ZMYM2: variants seen among roughly 807,000 people sequenced by gnomAD.
ZMYM2 encodes zinc finger MYM-type protein 2.
ZMYM2 carries 56 observed loss-of-function variants against 162.8 expected under a neutral mutation model. That is an observed-to-expected ratio of 0.34 (90% CI 0.28 to 0.43). The LOEUF is 0.43. Ranked by LOEUF, ZMYM2 falls within the 20% of genes least tolerant of loss-of-function variation. The pLI is 1.00. For synonymous variants in ZMYM2, 510 were observed against 541.6 expected (o/e 0.94, Z 0.81); for missense variants, 1,275 against 1,621.8 (o/e 0.79, Z 3.67).
chr13:20,076,569 T>C (rs952680779), intron 21 of ZMYM2, among the ~76,000 whole-genome samples: 1 of 150,582 alleles, frequency 6.6e-6, no homozygotes, highest in Non-Finnish European at 1.5e-5. Flanking sequence ...TTATAGACAG[T>C]AAGTCTTTGT....
the ZMYM2 span, among the ~76,000 whole-genome samples, chr13:19,897,965 A>G: frequency 1.2e-4 from 18 of 152,182 alleles, no homozygotes; most frequent in Admixed American, 1.3e-4. Flanking sequence ...GGGAAACAGA[A>G]GACTGAAACA....
At chr13:20,003,220 C>T (rs1235347783) in intron 4 of ZMYM2, 85 bp downstream of exon 4, 20 of 1,436,220 alleles carry the variant, frequency 1.4e-5, no homozygotes, top group Admixed American at 7.4e-5. Context: ...ATTTGTAATA[C>T]CTTTGGAAAC....
chr13:20,038,321 C>A (rs1594512772), intron 12 of ZMYM2, among the ~76,000 whole-genome samples: 2 of 152,230 alleles, frequency 1.3e-5, no homozygotes, highest in South Asian at 4.1e-4. Context: ...GCTTTTGTTG[C>A]AGTTGCTTTT....
At chr13:20,058,776 T>A in intron 15 of ZMYM2, 72 bp downstream of exon 15, 1 of 1,563,836 alleles carries the variant, frequency 6.4e-7, no homozygotes, top group South Asian at 1.1e-5. Flanking sequence ...ATGCTTTTCT[T>A]GAATGACACC....
the ZMYM2 span, among the ~76,000 whole-genome samples, chr13:19,905,480 A>G: frequency 1.3e-5 from 2 of 151,924 alleles, no homozygotes; most frequent in East Asian, 1.9e-4. Flanking sequence ...CCACACCCCA[A>G]CCAACTTAAT....
intron 17 of ZMYM2, 145 bp downstream of exon 17, chr13:20,061,369 T>TCGTCG: frequency 1.4e-6 from 1 of 692,192 alleles, no homozygotes; most frequent in South Asian, 3.0e-5. Flanking sequence ...TTTTTTATAT[T>TCGTCG]AAGAGATCTA....
At chr13:20,034,705 G>A (rs921846914) in intron 11 of ZMYM2, among the ~76,000 whole-genome samples, 2 of 152,174 alleles carry the variant, frequency 1.3e-5, no homozygotes, top group Non-Finnish European at 2.9e-5. Context: ...GGTTTTCCAA[G>A]TGGTTTAAAA....
the ZMYM2 span, among the ~76,000 whole-genome samples, chr13:19,904,776 A>T: frequency 1.3e-5 from 2 of 152,154 alleles, no homozygotes; most frequent in Non-Finnish European, 2.9e-5. Context: ...GCAAAGTGAT[A>T]TCATAAAATA....
the ZMYM2 span, among the ~76,000 whole-genome samples, chr13:19,940,830 AAACTATGT>A: frequency 6.6e-6 from 1 of 152,210 alleles, no homozygotes; most frequent in Non-Finnish European, 1.5e-5. Flanking sequence ...AAAATTTTGT[AAACTATGT>A]AACAGAAATA....
chr13:20,056,268 A>G (rs1000253007), intron 14 of ZMYM2, among the ~76,000 whole-genome samples: 3 of 152,186 alleles, frequency 2.0e-5, no homozygotes, highest in African/African-American at 7.2e-5. Flanking sequence ...ATGATACCCA[A>G]AATATTCTGG....
the ZMYM2 span, among the ~76,000 whole-genome samples, chr13:19,924,816 G>C: frequency 1.3e-5 from 2 of 151,688 alleles, no homozygotes; most frequent in African/African-American, 2.4e-5. Flanking sequence ...AATTCTTCTG[G>C]ATATATACTC....
intron 21 of ZMYM2, among the ~76,000 whole-genome samples, chr13:20,067,766 C>G (rs192178785): frequency 1.3e-4 from 20 of 152,274 alleles, no homozygotes; most frequent in Middle Eastern, 3.4e-3. Flanking sequence ...AAAAAGAGAT[C>G]ATTCTTTAGG....
the ZMYM2 span, among the ~76,000 whole-genome samples, chr13:19,914,450 G>A: frequency 6.6e-6 from 1 of 152,190 alleles, no homozygotes; most frequent in Admixed American, 6.5e-5. Context: ...ACTTGGCTAA[G>A]GCCACCACTG....
intron 12 of ZMYM2, among the ~76,000 whole-genome samples, chr13:20,050,046 T>C (rs948602037): frequency 3.9e-5 from 6 of 152,024 alleles, no homozygotes; most frequent in Admixed American, 2.6e-4. Context: ...AGTGAAAATA[T>C]GATCTTGGTT....
the ZMYM2 span, among the ~76,000 whole-genome samples, chr13:19,891,624 A>AG: frequency 6.6e-6 from 1 of 151,090 alleles, no homozygotes; most frequent in East Asian, 1.9e-4. Flanking sequence ...AAAAAAAAAA[A>AG]AAAATTAGCT....
intron 2 of ZMYM2, among the ~76,000 whole-genome samples, chr13:19,971,357 G>C (rs1307155051): frequency 7.1e-6 from 1 of 140,930 alleles, no homozygotes; most frequent in Non-Finnish European, 1.5e-5. Flanking sequence ...CACCACCTCT[G>C]CCTCCGGGGT....
intron 3 of ZMYM2, among the ~76,000 whole-genome samples, chr13:19,996,834 C>G (rs1036949066): frequency 6.6e-6 from 1 of 152,172 alleles, no homozygotes; most frequent in Admixed American, 6.5e-5. Flanking sequence ...CTGCAGTGAG[C>G]TATGATTGTG....
intron 21 of ZMYM2, 113 bp downstream of exon 21, chr13:20,067,503 A>G (rs1956771224): frequency 8.9e-7 from 1 of 1,120,574 alleles, no homozygotes; most frequent in Non-Finnish European, 1.2e-6. Context: ...ACACATCTAC[A>G]AAGTTGTATG....
the ZMYM2 span, among the ~76,000 whole-genome samples, chr13:19,873,615 G>A: frequency 6.6e-6 from 1 of 151,904 alleles, no homozygotes; most frequent in Non-Finnish European, 1.5e-5. Flanking sequence ...TGCCATGTTG[G>A]TCAGGCTAGT....
Sources: gnomAD v4.1 joint callset for allele counts (sites outside exome capture counted in the v4.1 genomes callset) on GRCh38, gnomAD v4.1.1 for gene constraint, MANE v1.5 for transcripts, NCBI Gene and HGNC (gene_info 2026-07-23, HGNC 2026-07-21) for gene names.